Variants in HSD17B12 observed in about 807,000 individuals in gnomAD.
The protein encoded by HSD17B12 is very-long-chain 3-oxoacyl-CoA reductase.
A neutral mutation model predicts 39.3 loss-of-function variants in HSD17B12; 32 were observed. The observed-to-expected ratio is 0.81, with a 90% CI of 0.61 to 1.09. The LOEUF is 1.09. Ranked by LOEUF, HSD17B12 falls within the 50% of genes least tolerant of loss-of-function variation. The probability of loss-of-function intolerance (pLI) is 0.00; values close to 1 mark genes in which losing one functional copy is unlikely to be tolerated. For missense variants in HSD17B12, 342 were observed against 382.9 expected, an observed-to-expected ratio of 0.89 and a Z score of 0.89; for synonymous variants, 150 against 146.7, an observed-to-expected ratio of 1.02 and a Z score of -0.16.
chr11:43,650,551 C>G, the HSD17B12 span, among the ~76,000 whole-genome samples: 2 of 152,128 alleles, frequency 1.3e-5, no homozygotes, highest in African/African-American at 2.4e-5. Flanking sequence ...GGAGAGCAGC[C>G]TGGCCGAATT....
chr11:43,629,333 CAAATTGTAGCCACCTGTGATA>C, the HSD17B12 span, among the ~76,000 whole-genome samples: 1 of 152,192 alleles, frequency 6.6e-6, no homozygotes, highest in Non-Finnish European at 1.5e-5. Context: ...ACCTGCTATT[CAAATTGTAGCCACCTGTGATA>C]TTTTTATTCA....
chr11:43,785,489 G>T (rs1950807397), intron 3 of HSD17B12, among the ~76,000 whole-genome samples: 1 of 152,146 alleles, frequency 6.6e-6, no homozygotes, highest in African/African-American at 2.4e-5. Context: ...GATGTGACTA[G>T]AGCAGAGCTT....
At chr11:43,850,791 G>A (rs183804666) in intron 9 of HSD17B12, among the ~76,000 whole-genome samples, 21 of 152,332 alleles carry the variant, frequency 1.4e-4, no homozygotes, top group African/African-American at 4.6e-4. Flanking sequence ...GGCCTGGTGC[G>A]GTGGTTCATG....
chr11:43,689,481 A>G (rs1949832586), intron 1 of HSD17B12, among the ~76,000 whole-genome samples: 1 of 152,216 alleles, frequency 6.6e-6, no homozygotes, highest in African/African-American at 2.4e-5. Context: ...CACTCAGATT[A>G]AAACTCAGTA....
the HSD17B12 span, among the ~76,000 whole-genome samples, chr11:43,628,785 A>G: frequency 2.0e-5 from 3 of 151,672 alleles, no homozygotes; most frequent in East Asian, 5.8e-4. Context: ...TATTAAATTA[A>G]TAATTTAATA....
At chr11:43,568,951 G>T in the HSD17B12 span, among the ~76,000 whole-genome samples, 1 of 152,172 alleles carries the variant, frequency 6.6e-6, no homozygotes, top group African/African-American at 2.4e-5. Context: ...ATTACTGTTG[G>T]TCTCTCACCA....
chr11:43,581,748 G>A, the HSD17B12 span, among the ~76,000 whole-genome samples: 2 of 152,112 alleles, frequency 1.3e-5, no homozygotes, highest in Non-Finnish European at 2.9e-5. This position sits in a 1 kb window ranked among gnomAD's most constrained non-coding sequence, Gnocchi z 4.9. Context: ...GTGAGAAGAA[G>A]CTAAAATGCA....
intron 1 of HSD17B12, chr11:43,719,025 A>T: frequency 1.1e-6 from 1 of 945,922 alleles, no homozygotes; most frequent in Non-Finnish European, 1.7e-6. Flanking sequence ...AAGAAGCTCT[A>T]TGACATTGAT....
intron 1 of HSD17B12, among the ~76,000 whole-genome samples, chr11:43,724,338 C>T (rs189086527): frequency 7.9e-5 from 12 of 151,406 alleles, no homozygotes; most frequent in African/African-American, 2.7e-4. Context: ...TGCCTAAGGG[C>T]CTAGGGGTTA....
At chr11:43,792,373 A>G (rs1351950844) in intron 3 of HSD17B12, among the ~76,000 whole-genome samples, 1 of 152,190 alleles carries the variant, frequency 6.6e-6, no homozygotes, top group African/African-American at 2.4e-5. Context: ...ATGGTTACAA[A>G]CTGAATTTTA....
intron 3 of HSD17B12, among the ~76,000 whole-genome samples, chr11:43,757,061 A>G (rs1215759345): frequency 6.6e-6 from 1 of 152,238 alleles, no homozygotes; most frequent in Non-Finnish European, 1.5e-5. Context: ...AAAAATACAT[A>G]GAGGAGATTT....
At chr11:43,850,096 T>A (rs1010520256) in intron 9 of HSD17B12, among the ~76,000 whole-genome samples, 1 of 152,198 alleles carries the variant, frequency 6.6e-6, no homozygotes, top group Admixed American at 6.5e-5. Flanking sequence ...GCAGGGCCTT[T>A]TTTCATTGCT....
chr11:43,683,080 C>T (rs1357968802), intron 1 of HSD17B12, among the ~76,000 whole-genome samples: 3 of 151,474 alleles, frequency 2.0e-5, no homozygotes, highest in African/African-American at 7.3e-5. Context: ...GTGTGAGCCA[C>T]CATGCCTGGA....
At chr11:43,609,640 G>A in the HSD17B12 span, among the ~76,000 whole-genome samples, 305 of 152,196 alleles carry the variant, frequency 2.0e-3, 1 homozygote, top group African/African-American at 6.9e-3. Context: ...AAAGTGCTGG[G>A]ATTAGAGACA....
intron 6 of HSD17B12, among the ~76,000 whole-genome samples, chr11:43,828,431 G>A (rs1462516270): frequency 1.3e-5 from 2 of 151,928 alleles, no homozygotes; most frequent in African/African-American, 2.4e-5. Flanking sequence ...GTGAGCCACC[G>A]CGCCCGGCCA....
At chr11:43,801,665 T>C (rs890508715) in intron 4 of HSD17B12, among the ~76,000 whole-genome samples, 1 of 132,506 alleles carries the variant, frequency 7.5e-6, no homozygotes, top group Non-Finnish European at 1.7e-5. Context: ...TATATATATC[T>C]AGATTTCAGT....
intron 1 of HSD17B12, among the ~76,000 whole-genome samples, chr11:43,747,984 T>G (rs981355278): frequency 6.6e-6 from 1 of 151,998 alleles, no homozygotes; most frequent in Non-Finnish European, 1.5e-5. Flanking sequence ...AGTTCTGGGG[T>G]CTTGGAGAGG....
the HSD17B12 span, among the ~76,000 whole-genome samples, chr11:43,660,879 C>T: frequency 8.5e-5 from 13 of 152,194 alleles, no homozygotes; most frequent in African/African-American, 2.4e-4. Context: ...AATCCCAACA[C>T]TTTGGGAGGC....
chr11:43,570,987 T>C, the HSD17B12 span, among the ~76,000 whole-genome samples: 3 of 152,344 alleles, frequency 2.0e-5, no homozygotes, highest in East Asian at 5.8e-4. Flanking sequence ...TAGTCCATTA[T>C]TCCTCTATGT....
Sources: gnomAD v4.1 joint callset for allele counts (sites outside exome capture counted in the v4.1 genomes callset) on GRCh38, gnomAD v4.1.1 for gene constraint, Gnocchi (gnomAD v3.1) non-coding constraint, MANE v1.5 for transcripts, NCBI Gene and HGNC (gene_info 2026-07-23, HGNC 2026-07-21) for gene names.